SLC4A8: variants seen among roughly 807,000 people sequenced by gnomAD.
SLC4A8 encodes the protein electroneutral sodium bicarbonate exchanger 1.
SLC4A8 carries 40 observed loss-of-function variants against 125.0 expected under a neutral mutation model. The observed-to-expected ratio is 0.32, with a 90% CI of 0.25 to 0.42. The LOEUF (loss-of-function observed/expected upper bound fraction) is 0.42. Among genes scored for constraint, SLC4A8 ranks in the 10% least tolerant of loss-of-function variants. SLC4A8 has a pLI of 1.00. For missense variants in SLC4A8, 863 were observed against 1,355.1 expected, an observed-to-expected ratio of 0.64 and a Z score of 5.70; for synonymous variants, 456 against 476.0, an observed-to-expected ratio of 0.96 and a Z score of 0.55.
intron 22 of SLC4A8, among the ~76,000 whole-genome samples, chr12:51,502,905 C>G (rs1483686616): frequency 2.7e-5 from 4 of 149,274 alleles, no homozygotes; most frequent in African/African-American, 9.9e-5. Flanking sequence ...GCAGTGGCGC[C>G]ATCTTGGCTC....
chr12:51,451,408 C>T (rs1949968430), intron 3 of SLC4A8, among the ~76,000 whole-genome samples: 1 of 152,044 alleles, frequency 6.6e-6, no homozygotes, highest in Non-Finnish European at 1.5e-5. Flanking sequence ...CGCACCCGGC[C>T]ACTGTTTTTA....
intron 1 of SLC4A8, among the ~76,000 whole-genome samples, chr12:51,431,232 A>T (rs1353295534): frequency 6.6e-6 from 1 of 152,172 alleles, no homozygotes; most frequent in African/African-American, 2.4e-5. Flanking sequence ...CCTTGTTATT[A>T]CACTGAGATT....
Position 51,509,193 on chromosome 12 carries a change from C to T in SLC4A8, c.*1755C>T, listed in dbSNP as rs1163732690. 6.6e-6 allele frequency: 1 copy of T among 152,634 alleles called. No homozygotes were observed. Among genetic ancestry groups the T allele is most frequent in the Admixed American group, 6.5e-5 (1 of 15,278 alleles). The allele number at this position is 152,634 out of a possible 1,614,324, so 9.5% of individuals were successfully genotyped here. ...ATATTAAAATGGTGTTCCTTTGAAT[C>T]GTGGGTATTGTTCCTGGTTTGTCTC... On this transcript the variant is annotated 3_prime_UTR_variant, in exon 25 of 25. Transcript: ENST00000453097.
rs373223690 is a variant in SLC4A8, at chr12:51,504,081, G to A, written c.3134G>A (p.Arg1045Lys). 3 of 1,589,718 alleles carry A rather than the reference G, an allele frequency of 1.9e-6. No homozygotes were observed. The highest frequency in any genetic ancestry group is 2.3e-5 in the East Asian group (1 of 44,328). The change falls in exon 23 of 25, where the codon AGG (arginine) becomes AAG (lysine). Residue 1045 changes from arginine to lysine, a missense_variant. Arg to Lys is a conservative substitution (Grantham distance 26, BLOSUM62 2). Around this residue, in one of 6 missense-constraint regions of SLC4A8, gnomAD observed 92 missense variants for 125.6 expected, o/e 0.73. Coordinates refer to ENST00000453097, the MANE Select transcript of SLC4A8 (RefSeq NM_001039960.3). ...IGGDKFPLES[R>K]KLLSSPGKNI... Reference sequence around the variant, plus strand: ...GGAGACAAGTTTCCCTTAGAGAGCAGGAAGTTACTAAGTAGTCCTGGAAAG... The same window carrying A: ...GGAGACAAGTTTCCCTTAGAGAGCAAGAAGTTACTAAGTAGTCCTGGAAAG...
At chr12:51,402,382 G>C (rs779783027) in intron 1 of SLC4A8, among the ~76,000 whole-genome samples, 1 of 152,246 alleles carries the variant, frequency 6.6e-6, no homozygotes, top group Non-Finnish European at 1.5e-5. Context: ...GTGTTATCCT[G>C]TCCTGGCATT....
In SLC4A8 at chr12:51,497,127, C is replaced by A; in HGVS notation, c.3081+3C>A. ...AAAAGAAGGCCAAGGAGGAAGAGGT[C>A]ATAGTCCTTGCACCAACTGTATACC... On this transcript the variant is annotated splice_donor_region_variant and intron_variant, in intron 22 of 24. Coordinates refer to ENST00000453097, the MANE Select transcript of SLC4A8 (RefSeq NM_001039960.3). The A allele has an allele frequency of 6.2e-7, 1 of 1,610,788 alleles. No individual in the cohort carries two copies. The highest frequency in any genetic ancestry group is 1.1e-5 in the South Asian group (1 of 90,130).
intron 1 of SLC4A8, among the ~76,000 whole-genome samples, chr12:51,394,790 T>C (rs914447095): frequency 2.6e-5 from 4 of 152,188 alleles, no homozygotes; most frequent in Non-Finnish European, 5.9e-5. Flanking sequence ...CCTCGCAACA[T>C]GCAATTTACC....
At chr12:51,392,781 T>C (rs1226988444) in intron 1 of SLC4A8, 1 of 152,082 alleles carries the variant, frequency 6.6e-6, no homozygotes, top group Non-Finnish European at 1.5e-5. Flanking sequence ...AAGCCGGTGT[T>C]CGGAATTACC....
chr12:51,408,898 A>G (rs1217093218), intron 1 of SLC4A8, among the ~76,000 whole-genome samples: 1 of 152,116 alleles, frequency 6.6e-6, no homozygotes, highest in Non-Finnish European at 1.5e-5. Context: ...CTAGGTACCC[A>G]GTCTTGTTTT....
chr12:51,454,961 G>T (rs371323491), intron 5 of SLC4A8, among the ~76,000 whole-genome samples: 11 of 61,634 alleles, frequency 1.8e-4, no homozygotes, highest in African/African-American at 6.7e-4. Flanking sequence ...GCGGCCTTCC[G>T]CAGTTTTTGT....
chr12:51,455,686 T>C (rs1950126079), intron 5 of SLC4A8, among the ~76,000 whole-genome samples: 1 of 152,196 alleles, frequency 6.6e-6, no homozygotes, highest in Non-Finnish European at 1.5e-5. Context: ...CAAATCTTTC[T>C]CTATTTCAAG....
At chr12:51,393,830 A>G (rs1271757921) in intron 1 of SLC4A8, among the ~76,000 whole-genome samples, 1 of 152,150 alleles carries the variant, frequency 6.6e-6, no homozygotes, top group Admixed American at 6.5e-5. Context: ...AGCTTCCTTG[A>G]GCATCCCTTA....
intron 10 of SLC4A8, 191 bp downstream of exon 10, chr12:51,462,647 C>T: frequency 2.5e-6 from 1 of 392,388 alleles, no homozygotes; most frequent in Non-Finnish European, 4.4e-6. Flanking sequence ...AATCTCAGCA[C>T]TTTGGGACGC....
intron 11 of SLC4A8, 101 bp from the exon 12 acceptor site, chr12:51,469,513 C>T (rs1029968271): frequency 3.6e-5 from 38 of 1,041,526 alleles, no homozygotes; most frequent in Non-Finnish European, 5.1e-5. Flanking sequence ...AAAGTCTTAC[C>T]GCTGAACAGA....
intron 1 of SLC4A8, among the ~76,000 whole-genome samples, chr12:51,407,300 C>T (rs1329660681): frequency 6.6e-6 from 1 of 151,998 alleles, no homozygotes; most frequent in Non-Finnish European, 1.5e-5. Flanking sequence ...GCTCTGTTGC[C>T]CAGGCTGGAG....
chr12:51,415,538 G>A (rs1948671511), intron 1 of SLC4A8, among the ~76,000 whole-genome samples: 1 of 151,914 alleles, frequency 6.6e-6, no homozygotes. Flanking sequence ...CTTATGTTTT[G>A]TCTTGCTCTG....
Position 51,508,021 on chromosome 12 carries a change from A to T in SLC4A8, c.*583A>T, listed in dbSNP as rs1938241088. Reference sequence around the variant, plus strand: ...TACCAGGAAGATCCATGATCTGGGCATTGGCAGTGCCTGCCACCACAGCCA... The same window carrying T: ...TACCAGGAAGATCCATGATCTGGGCTTTGGCAGTGCCTGCCACCACAGCCA... On this transcript the variant is annotated 3_prime_UTR_variant, in exon 25 of 25. Transcript: ENST00000453097. 6.6e-6 allele frequency: 1 copy of T among 152,398 alleles called. No homozygotes were observed. The highest frequency in any genetic ancestry group is 1.5e-5 in the Non-Finnish European group (1 of 68,164). The allele number at this position is 152,398 out of a possible 1,614,324, so 9.4% of individuals were successfully genotyped here.
At chr12:51,429,746 C>T (rs945861280) in intron 1 of SLC4A8, among the ~76,000 whole-genome samples, 1 of 151,512 alleles carries the variant, frequency 6.6e-6, no homozygotes, top group Non-Finnish European at 1.5e-5. Context: ...TGGTCTCAAG[C>T]GATCCTCACC....
intron 11 of SLC4A8, among the ~76,000 whole-genome samples, chr12:51,464,418 A>G (rs889238461): frequency 6.6e-6 from 1 of 152,222 alleles, no homozygotes; most frequent in Non-Finnish European, 1.5e-5. Flanking sequence ...TGTGCCTCAG[A>G]ATAGGCAATC....
Sources: allele counts gnomAD v4.1 joint callset (sites outside exome capture counted in the v4.1 genomes callset), GRCh38; gene constraint gnomAD v4.1.1; regional missense constraint gnomAD v4.1.1; transcripts MANE v1.5; gene names NCBI Gene and HGNC (gene_info 2026-07-23, HGNC 2026-07-21).